Variants in HMG20A observed in about 807,000 individuals in gnomAD.
HMG20A encodes the protein high mobility group 20A, also known as high mobility group protein 20A.
A neutral mutation model predicts 43.9 loss-of-function variants in HMG20A; 17 were observed. The ratio of observed to expected loss-of-function variants is 0.39; its 90% CI spans 0.27 to 0.58. The LOEUF is 0.58. Among genes scored for constraint, HMG20A ranks in the 20% least tolerant of loss-of-function variants. HMG20A has a pLI of 0.59. For synonymous variants in HMG20A, 132 were observed against 147.5 expected (o/e 0.89, Z 0.76); for missense variants, 341 against 438.2 (o/e 0.78, Z 1.98).
chr15:77,456,227 C>CG (rs1248057615), intron 1 of HMG20A, among the ~76,000 whole-genome samples: 1 of 152,198 alleles, frequency 6.6e-6, no homozygotes, highest in Non-Finnish European at 1.5e-5. Context: ...GGAAAACACT[C>CG]TAACAGGGTC....
At chr15:77,443,364 G>GATTATT (rs1403958636) in intron 1 of HMG20A, among the ~76,000 whole-genome samples, 1 of 125,056 alleles carries the variant, frequency 8.0e-6, no homozygotes, top group South Asian at 2.6e-4. Flanking sequence ...TGATGATGAT[G>GATTATT]ATGATGATGA....
chr15:77,431,242 C>T (rs1315050326), intron 1 of HMG20A, among the ~76,000 whole-genome samples: 1 of 151,950 alleles, frequency 6.6e-6, no homozygotes, highest in Admixed American at 6.6e-5. Context: ...GATGGAGTCT[C>T]CCTCTGTCAC....
At chr15:77,474,637 T>C (rs1321310719) in intron 6 of HMG20A, among the ~76,000 whole-genome samples, 1 of 152,192 alleles carries the variant, frequency 6.6e-6, no homozygotes, top group Non-Finnish European at 1.5e-5. Flanking sequence ...AGAAACCTAT[T>C]GTATTCCTAA....
intron 1 of HMG20A, among the ~76,000 whole-genome samples, chr15:77,430,027 T>C (rs932702045): frequency 5.9e-5 from 9 of 152,242 alleles, no homozygotes; most frequent in African/African-American, 2.2e-4. Flanking sequence ...GAATCAAATC[T>C]GAGCTTCATC....
Position 77,470,989 on chromosome 15 carries a change from A to T in HMG20A, c.530A>T (p.Lys177Met). ...CAGTATCAGAAAACAGAGGCCTACA[A>T]GGTCTTCAGTAGGAAAACCCAGGAC... ...LEQYQKTEAY[K>M]VFSRKTQDRQ... The change falls in exon 5 of 10, where the codon AAG becomes ATG. Residue 177 changes from lysine (K) to methionine (M), a missense_variant. Transcript: ENST00000336216. 1 of 1,613,472 alleles carries T rather than the reference A, an allele frequency of 6.2e-7. No individual in the cohort carries two copies. Among genetic ancestry groups the T allele is most frequent in the South Asian group, 1.1e-5 (1 of 91,002 alleles).
intron 5 of HMG20A, 144 bp downstream of exon 5, chr15:77,471,186 A>G: frequency 1.5e-5 from 11 of 752,970 alleles, no homozygotes; most frequent in Non-Finnish European, 1.6e-5. Flanking sequence ...CATTATCTTG[A>G]AATTTTATTA....
At chr15:77,447,589 C>G (rs1037355656) in intron 1 of HMG20A, 2 of 151,986 alleles carry the variant, frequency 1.3e-5, no homozygotes, top group African/African-American at 4.8e-5. Context: ...ATTTAAGTTT[C>G]TAAATTTTTA....
intron 1 of HMG20A, among the ~76,000 whole-genome samples, chr15:77,448,803 G>A (rs932977301): frequency 5.3e-5 from 8 of 151,898 alleles, no homozygotes; most frequent in African/African-American, 1.7e-4. Context: ...CAATAATAAG[G>A]CCGGGCGCGG....
At chr15:77,514,008 G>A in the HMG20A span, among the ~76,000 whole-genome samples, 19 of 152,198 alleles carry the variant, frequency 1.2e-4, no homozygotes, top group African/African-American at 2.9e-4. Context: ...ACAAGCGTGA[G>A]CCACCACACT....
At chr15:77,446,581 G>A (rs1016872859) in intron 1 of HMG20A, among the ~76,000 whole-genome samples, 21 of 152,186 alleles carry the variant, frequency 1.4e-4, no homozygotes, top group African/African-American at 4.8e-4. Flanking sequence ...GCCGAGGCGG[G>A]TGGATCACAA....
At chr15:77,507,197 C>G in the HMG20A span, among the ~76,000 whole-genome samples, 1 of 152,316 alleles carries the variant, frequency 6.6e-6, no homozygotes, top group Non-Finnish European at 1.5e-5. Flanking sequence ...GACTCCTCAG[C>G]CCCCATAATC....
At chr15:77,512,218 C>T in the HMG20A span, among the ~76,000 whole-genome samples, 7 of 152,066 alleles carry the variant, frequency 4.6e-5, no homozygotes, top group East Asian at 1.9e-4. Flanking sequence ...GTCAAATTCA[C>T]GGGCACAGAA....
the HMG20A span, among the ~76,000 whole-genome samples, chr15:77,493,664 T>G: frequency 6.6e-5 from 10 of 152,044 alleles, no homozygotes; most frequent in African/African-American, 2.4e-4. Context: ...GGTGTAGCAG[T>G]GAAGAATGAT....
intron 1 of HMG20A, among the ~76,000 whole-genome samples, chr15:77,454,857 G>T (rs1420549579): frequency 6.6e-6 from 1 of 152,116 alleles, no homozygotes; most frequent in Non-Finnish European, 1.5e-5. Context: ...GATGGTAAGA[G>T]ATTTTTGGGT....
chr15:77,426,996 A>T (rs1411779127), intron 1 of HMG20A, among the ~76,000 whole-genome samples: 8 of 152,196 alleles, frequency 5.3e-5, no homozygotes, highest in Admixed American at 2.0e-4. Flanking sequence ...ATGACCTTGA[A>T]GGAAGCTTCA....
the HMG20A span, among the ~76,000 whole-genome samples, chr15:77,503,253 C>G: frequency 6.6e-6 from 1 of 152,128 alleles, no homozygotes; most frequent in Non-Finnish European, 1.5e-5. Flanking sequence ...GGGCTGGACT[C>G]CAGTCCCAGC....
chr15:77,518,033 T>C, the HMG20A span, among the ~76,000 whole-genome samples: 2 of 152,090 alleles, frequency 1.3e-5, no homozygotes, highest in African/African-American at 4.8e-5. Flanking sequence ...TCCCCACCTA[T>C]CCCTGTGTTC....
rs999703033 is a variant in HMG20A, at chr15:77,430,654, G to A, written c.-5+9650G>A. On this transcript the variant is annotated intron_variant, in intron 1 of 9. Transcript: ENST00000336216. ...CGGAGCAGACAAAACTTGGATTTTAGAGATCTCCAGGTAGCTAGTTCTTGG... is the reference window on the plus strand; with the variant it reads ...CGGAGCAGACAAAACTTGGATTTTAAAGATCTCCAGGTAGCTAGTTCTTGG... 3.3e-5 allele frequency among the ~76,000 whole-genome samples: 5 copies of A among 152,328 alleles called. No homozygotes were observed. The South Asian group carries it at 1.0e-3, about 32-fold the overall frequency.
chr15:77,518,634 G>A, the HMG20A span, among the ~76,000 whole-genome samples: 26 of 152,262 alleles, frequency 1.7e-4, no homozygotes, highest in Middle Eastern at 3.4e-3. Flanking sequence ...GTCCACAACC[G>A]AGCCATCCTG....
Sources: gnomAD v4.1 joint callset for allele counts (sites outside exome capture counted in the v4.1 genomes callset) on GRCh38, gnomAD v4.1.1 for gene constraint, MANE v1.5 for transcripts, NCBI Gene and HGNC (gene_info 2026-07-23, HGNC 2026-07-21) for gene names.